The following PTPRZ1 variants were observed in gnomAD, a reference collection of about 807,000 sequenced individuals.
PTPRZ1 encodes the protein protein tyrosine phosphatase receptor type Z1.
PTPRZ1 carries 82 observed loss-of-function variants against 214.1 expected under a neutral mutation model. The observed-to-expected ratio is 0.38, with a 90% CI of 0.32 to 0.46. The LOEUF (loss-of-function observed/expected upper bound fraction) is 0.46, where lower values mean the gene tolerates loss of function less well. PTPRZ1 is among the 20% of genes least tolerant of loss of function. The pLI, the probability that PTPRZ1 is intolerant of heterozygous loss-of-function variation, is 1.00. For synonymous variants in PTPRZ1, 945 were observed against 987.9 expected (o/e 0.96, Z 0.81); for missense variants, 2,603 against 2,748.7 (o/e 0.95, Z 1.19).
intron 15 of PTPRZ1, 167 bp downstream of exon 15, chr7:122,031,726 A>G (rs1270116906): frequency 1.2e-5 from 5 of 408,054 alleles, no homozygotes; most frequent in Non-Finnish European, 2.2e-5. Flanking sequence ...TATAGTTACT[A>G]TATAATTTAG....
chr7:121,995,762 A>G (rs1246952134), intron 8 of PTPRZ1, among the ~76,000 whole-genome samples: 1 of 152,236 alleles, frequency 6.6e-6, no homozygotes, highest in East Asian at 1.9e-4. Context: ...GGGAATTTTA[A>G]ATTAGTTCAA....
intron 2 of PTPRZ1, among the ~76,000 whole-genome samples, chr7:121,960,260 C>T (rs986293143): frequency 6.6e-6 from 1 of 152,102 alleles, no homozygotes. Context: ...AGGCTCGTCT[C>T]AAACTCCTGA....
At position 122,013,205 on chromosome 7, in the gene PTPRZ1, G is replaced by C; in HGVS notation, c.4159G>C (p.Val1387Leu). 6.2e-7 allele frequency: 1 copy of C among 1,614,182 alleles called. No individual in the cohort carries two copies. Among genetic ancestry groups the C allele is most frequent in the East Asian group, 2.2e-5 (1 of 44,880 alleles). ...TGTTTCTCCCCACAGAGATGGTTCT[G>C]TAACCTCAACAAAGTTGCTGTTTCC... ...TAVSPHRDGS[V>L]TSTKLLFPSK... Residue 1387 changes from valine (V) to leucine (L), a missense_variant, in exon 12 of 30, where the codon GTA becomes CTA. Physicochemically the swap from Val to Leu is conservative, Grantham distance 32. Coordinates refer to ENST00000393386, the MANE Select transcript of PTPRZ1 (RefSeq NM_002851.3).
chr7:121,965,672 T>C (rs2690271), intron 2 of PTPRZ1, among the ~76,000 whole-genome samples: 85,436 of 152,018 alleles, frequency 0.56, 24,496 homozygotes, highest in African/African-American at 0.66. Flanking sequence ...ATAAGTCCTG[T>C]TCATGCCCAA....
chr7:122,009,553 G>T (rs2116650108), intron 11 of PTPRZ1, among the ~76,000 whole-genome samples: 1 of 150,628 alleles, frequency 6.6e-6, no homozygotes, highest in Non-Finnish European at 1.5e-5. Flanking sequence ...ATACGTATAT[G>T]TATATATATA....
At position 121,928,275 on chromosome 7, in the gene PTPRZ1, T is replaced by A. The variant is rs916867427; in HGVS notation, c.124+54T>A. 5 of 1,347,090 alleles carry A rather than the reference T, an allele frequency of 3.7e-6. No homozygotes were observed. In the African/African-American group the frequency reaches 7.3e-5, roughly 20 times the overall value. 83.4% of individuals were successfully genotyped at this position (1,347,090 alleles called of 1,614,324 possible). A position where few individuals can be genotyped will look rare whatever the true frequency, so the allele number is the denominator to read the frequency against. On this transcript the variant is annotated intron_variant, in intron 2 of 29. Transcript: ENST00000393386. ...TAGCAGAAACTTTTATTGTTTTGTATCTATTTTTATATATAAAAGGAAGCT... is the reference window on the plus strand; with the variant it reads ...TAGCAGAAACTTTTATTGTTTTGTAACTATTTTTATATATAAAAGGAAGCT...
chr7:121,881,027 C>T (rs1183091705), intron 1 of PTPRZ1, among the ~76,000 whole-genome samples: 3 of 152,122 alleles, frequency 2.0e-5, no homozygotes, highest in African/African-American at 7.2e-5. Flanking sequence ...ATGTTTGTGT[C>T]CTCTCCAAAA....
At chr7:122,029,557 G>A (rs1799312238) in intron 14 of PTPRZ1, among the ~76,000 whole-genome samples, 1 of 151,892 alleles carries the variant, frequency 6.6e-6, no homozygotes, top group African/African-American at 2.4e-5. Flanking sequence ...TACAAAAGGA[G>A]AAAGTCATCT....
chr7:121,895,912 G>A lies in PTPRZ1; in HGVS notation c.58+22355G>A, dbSNP rs147347601. ...CATATTATTTCGTTGCACTTGGAAG[G>A]TTAGAATCCCCCTTTCTGCCCCTTG... On this transcript the variant is annotated intron_variant, in intron 1 of 29. Transcript: ENST00000393386. Among the ~76,000 whole-genome samples, 823 of 152,276 alleles carry A rather than the reference G, an allele frequency of 5.4e-3. 9 individuals are homozygous for A. The highest frequency in any genetic ancestry group is 0.018 in the African/African-American group (768 of 41,562).
chr7:122,057,942 C>T (rs1792414342), intron 27 of PTPRZ1, among the ~76,000 whole-genome samples: 1 of 136,674 alleles, frequency 7.3e-6, no homozygotes, highest in South Asian at 2.4e-4. Flanking sequence ...TTCAGTCATT[C>T]ATATAGTGTG....
intron 10 of PTPRZ1, 48 bp from the exon 11 acceptor site, chr7:122,004,566 C>T (rs939437698): frequency 4.7e-6 from 5 of 1,055,510 alleles, no homozygotes; most frequent in African/African-American, 1.6e-5. Context: ...CCACAAAGGC[C>T]GAAATAGTTG....
chr7:121,999,342 C>T (rs1007400991), intron 10 of PTPRZ1, among the ~76,000 whole-genome samples: 5 of 152,136 alleles, frequency 3.3e-5, no homozygotes, highest in Admixed American at 3.3e-4. Flanking sequence ...ATCAAAGTAA[C>T]TGACCATGAT....
In PTPRZ1 at chr7:122,004,617, T is replaced by A. The variant is rs372571641; in HGVS notation, c.1244T>A (p.Leu415His). ...AATTTTGTTTTTAATTTTGTAGAAC[T>A]TGATCTTTTCCCTGAATTAATTGGA... Reference protein sequence around the residue: ...IVDMPTDNPELDLFPELIGTE... With the variant: ...IVDMPTDNPEHDLFPELIGTE... The change falls in exon 11 of 30, where the codon CTT (leucine) becomes CAT (histidine). Residue 415 changes from leucine to histidine, a missense_variant. This residue lies in a region of PTPRZ1 where 244 missense variants were observed against 333.2 expected (regional missense o/e 0.73). Transcript: ENST00000393386. The A allele has an allele frequency of 3.7e-5, 50 of 1,358,068 alleles. No homozygotes were observed. The highest frequency in any genetic ancestry group is 8.0e-5 in the Admixed American group (4 of 50,200). The allele number at this position is 1,358,068 out of a possible 1,614,324, so 84.1% of individuals were successfully genotyped here.
At chr7:121,943,629 C>T (rs899726544) in intron 2 of PTPRZ1, among the ~76,000 whole-genome samples, 8 of 152,174 alleles carry the variant, frequency 5.3e-5, no homozygotes, top group Admixed American at 2.0e-4. Flanking sequence ...TGAGCCACTG[C>T]GCCCGGCCAA....
chr7:121,920,283 A>G (rs1795554427), intron 1 of PTPRZ1, among the ~76,000 whole-genome samples: 1 of 152,200 alleles, frequency 6.6e-6, no homozygotes, highest in African/African-American at 2.4e-5. Context: ...ATTTCAAAAC[A>G]GCAATCTTAT....
Position 121,968,143 on chromosome 7 carries a change from C to A in PTPRZ1, c.304+13C>A. On this transcript the variant is annotated intron_variant, in intron 3 of 29. Transcript: ENST00000393386. ...ACTGGGAAAACAGGTAAAATATTTG[C>A]ATTCTGTTTGCCTTTAATATATTTT... 1 of 1,580,508 alleles carries A rather than the reference C, an allele frequency of 6.3e-7. No individual in the cohort carries two copies.
At chr7:122,059,698 G>A (rs1331926953) in intron 28 of PTPRZ1, 55 bp from the exon 29 acceptor site, 4 of 1,543,900 alleles carry the variant, frequency 2.6e-6, no homozygotes, top group East Asian at 2.3e-5. Context: ...AGTTCTAAAT[G>A]TGAGTGGTGC....
At chr7:121,908,608 C>T (rs1000661419) in intron 1 of PTPRZ1, 3 of 373,916 alleles carry the variant, frequency 8.0e-6, no homozygotes, top group Non-Finnish European at 1.5e-5. Context: ...TCTTTATTTC[C>T]ATTACCCTTT....
chr7:122,054,998 T>C lies in PTPRZ1; in HGVS notation c.6439T>C (p.Phe2147Leu). 6.2e-7 allele frequency: 1 copy of C among 1,608,576 alleles called. No homozygotes were observed. Among genetic ancestry groups the C allele is most frequent in the Non-Finnish European group, 8.5e-7 (1 of 1,176,286 alleles). The change falls in exon 27 of 30, where the codon TTT (phenylalanine) becomes CTT (leucine). Residue 2147 changes from phenylalanine (F) to leucine (L), a missense_variant. Phe to Leu is a conservative substitution (Grantham distance 22, BLOSUM62 0). Around this residue, in one of 6 missense-constraint regions of PTPRZ1, gnomAD observed 134 missense variants for 183.3 expected, o/e 0.73. Transcript: ENST00000393386. ...AGATGAGCCTATAAATTGTGAGAGC[T>C]TTAAGGTCACTCTTATGGCTGAAGA... is the stretch of plus-strand genomic sequence containing the variant. ...NKDEPINCES[F>L]KVTLMAEEHK...
Sources: gnomAD v4.1 joint callset for allele counts (sites outside exome capture counted in the v4.1 genomes callset) on GRCh38, gnomAD v4.1.1 for gene constraint, gnomAD v4.1.1 regional missense constraint, MANE v1.5 for transcripts, NCBI Gene and HGNC (gene_info 2026-07-23, HGNC 2026-07-21) for gene names.